The following KCNJ15 variants were observed in gnomAD, a reference collection of about 807,000 sequenced individuals.
The protein encoded by KCNJ15 is ATP-sensitive inward rectifier potassium channel 15.
KCNJ15 carries 14 observed loss-of-function variants against 23.0 expected under a neutral mutation model. The ratio of observed to expected loss-of-function variants is 0.61; its 90% CI spans 0.40 to 0.95. The LOEUF is 0.95. Among genes scored for constraint, KCNJ15 ranks in the 40% least tolerant of loss-of-function variants. The pLI is 0.00. For synonymous variants in KCNJ15, 185 were observed against 183.2 expected, an observed-to-expected ratio of 1.01 and a Z score of -0.08; for missense variants, 388 against 461.8, an observed-to-expected ratio of 0.84 and a Z score of 1.46.
intron 1 of KCNJ15, among the ~76,000 whole-genome samples, chr21:38,287,694 A>G (rs1328598751): frequency 6.6e-6 from 1 of 152,248 alleles, no homozygotes; most frequent in Non-Finnish European, 1.5e-5. Context: ...CCGGCTAATT[A>G]ACTACAGATG....
chr21:38,278,024 C>T (rs764022754), intron 1 of KCNJ15, among the ~76,000 whole-genome samples: 2 of 152,202 alleles, frequency 1.3e-5, no homozygotes, highest in Non-Finnish European at 2.9e-5. Context: ...AGGCATGATT[C>T]CGTCTGCATC....
intron 1 of KCNJ15, among the ~76,000 whole-genome samples, chr21:38,296,149 C>A (rs1432999152): frequency 6.6e-6 from 1 of 151,674 alleles, no homozygotes; most frequent in Non-Finnish European, 1.5e-5. Flanking sequence ...CAATAATTGA[C>A]AGATGATAGA....
chr21:38,247,502 A>G (rs1423186672), intron 1 of KCNJ15, among the ~76,000 whole-genome samples: 2 of 149,718 alleles, frequency 1.3e-5, no homozygotes, highest in South Asian at 2.2e-4. Flanking sequence ...GGATAAATGG[A>G]TGGTTGGATA....
Position 38,304,057 on chromosome 21 carries a change from A to AG in KCNJ15, c.*3669dup, listed in dbSNP as rs1214201604. On this transcript the variant is annotated 3_prime_UTR_variant, in exon 3 of 3. Coordinates refer to ENST00000398938, the MANE Select transcript of KCNJ15 (RefSeq NM_170736.3). ...CTTCTATTAAATTTCTGAAATAACTAGTTTTTTTTTTTTGAACTTGAAAAT... is the reference window on the plus strand; with the variant it reads ...CTTCTATTAAATTTCTGAAATAACTAGGTTTTTTTTTTTTGAACTTGAAAAT... The AG allele has an allele frequency of 1.0e-5, 1 of 99,452 alleles. No individual in the cohort carries two copies. The highest frequency in any genetic ancestry group is 2.3e-5 in the Non-Finnish European group (1 of 44,098). The allele number at this position is 99,452 out of a possible 1,614,324, so 6.2% of individuals were successfully genotyped here.
chr21:38,288,684 G>C (rs1327600070), intron 1 of KCNJ15, among the ~76,000 whole-genome samples: 1 of 152,310 alleles, frequency 6.6e-6, no homozygotes, highest in Non-Finnish European at 1.5e-5. Flanking sequence ...AAAATTGGCA[G>C]ACTCAACATC....
At position 38,280,295 on chromosome 21, in the gene KCNJ15, T is replaced by C. The variant is rs780403185; in HGVS notation, c.-116-16631T>C. ...GCTGTCTCAGAAATTAAGGCATATA[T>C]ATAGTTCAAATGGGACCAAAGTAGT... On this transcript the variant is annotated intron_variant, in intron 1 of 2. Transcript: ENST00000398938. Among the ~76,000 whole-genome samples, 36 of 152,266 alleles carry C rather than the reference T, an allele frequency of 2.4e-4. 1 individual carries two copies. The highest frequency in any genetic ancestry group is 8.2e-4 in the African/African-American group (34 of 41,522).
At chr21:38,263,908 C>T (rs1981193149) in intron 1 of KCNJ15, among the ~76,000 whole-genome samples, 1 of 152,038 alleles carries the variant, frequency 6.6e-6, no homozygotes. Flanking sequence ...GATACATACA[C>T]ACACACACAC....
chr21:38,237,679 A>T (rs1978704718), intron 1 of KCNJ15, among the ~76,000 whole-genome samples: 1 of 152,164 alleles, frequency 6.6e-6, no homozygotes, highest in Non-Finnish European at 1.5e-5. Flanking sequence ...AAAGATGAAA[A>T]GTGACCTTGG....
intron 1 of KCNJ15, among the ~76,000 whole-genome samples, chr21:38,290,619 T>C (rs1240569915): frequency 6.6e-6 from 1 of 151,854 alleles, no homozygotes; most frequent in South Asian, 2.1e-4. Flanking sequence ...TGAAGACAGG[T>C]TCTTGGGAAC....
chr21:38,288,488 G>T (rs1433801902), intron 1 of KCNJ15, among the ~76,000 whole-genome samples: 1 of 152,154 alleles, frequency 6.6e-6, no homozygotes, highest in South Asian at 2.1e-4. Flanking sequence ...TCATCAATTT[G>T]TAGAGACTGA....
chr21:38,249,508 A>G (rs1004557830), intron 1 of KCNJ15, among the ~76,000 whole-genome samples: 2 of 152,232 alleles, frequency 1.3e-5, no homozygotes, highest in Non-Finnish European at 2.9e-5. Flanking sequence ...CAGATAGGAA[A>G]TATTCTCCAG....
upstream of KCNJ15, among the ~76,000 whole-genome samples, chr21:38,254,093 G>A (rs1278947194): frequency 6.6e-6 from 1 of 152,178 alleles, no homozygotes; most frequent in Non-Finnish European, 1.5e-5. Context: ...AGATTGCATG[G>A]CAGAAAATAT....
At chr21:38,256,940 ATC>A (rs915980120), upstream of KCNJ15, 3 of 92,348 alleles carry the variant, frequency 3.2e-5, no homozygotes, top group African/African-American at 1.3e-4. Flanking sequence ...CTCCTTCCCT[ATC>A]CCTCCCTCCT....
chr21:38,279,318 A>T (rs1017630038), intron 1 of KCNJ15, among the ~76,000 whole-genome samples: 1 of 152,184 alleles, frequency 6.6e-6, no homozygotes, highest in Non-Finnish European at 1.5e-5. Flanking sequence ...GAACACAAAA[A>T]GTCTAGGCTT....
chr21:38,255,789 C>T (rs931788851), upstream of KCNJ15, among the ~76,000 whole-genome samples: 7 of 152,150 alleles, frequency 4.6e-5, no homozygotes, highest in Admixed American at 2.6e-4. Flanking sequence ...GGGTGAATTG[C>T]AGAGCCCAGT....
At chr21:38,238,320 C>A in intron 1 of KCNJ15, 1 of 716,076 alleles carries the variant, frequency 1.4e-6, no homozygotes. Context: ...CCTGGTCTTC[C>A]TGCCTTCGGA....
intron 1 of KCNJ15, among the ~76,000 whole-genome samples, chr21:38,288,030 G>GTTTT (rs71184612): frequency 4.9e-5 from 4 of 81,422 alleles, no homozygotes; most frequent in Admixed American, 2.1e-4. Context: ...TTTTTTCTTT[G>GTTTT]TTTTTTTTTT....
intron 1 of KCNJ15, among the ~76,000 whole-genome samples, chr21:38,263,017 A>T (rs1394191172): frequency 6.6e-6 from 1 of 152,148 alleles, no homozygotes; most frequent in East Asian, 1.9e-4. Context: ...AACGAGTTGG[A>T]TATAATGTCA....
intron 1 of KCNJ15, among the ~76,000 whole-genome samples, chr21:38,270,820 T>C (rs1277431020): frequency 6.6e-6 from 1 of 152,206 alleles, no homozygotes; most frequent in Non-Finnish European, 1.5e-5. Context: ...ATTCTTTGCA[T>C]TATAGTAACA....
Sources: allele counts gnomAD v4.1 joint callset (sites outside exome capture counted in the v4.1 genomes callset), GRCh38; gene constraint gnomAD v4.1.1; transcripts MANE v1.5; gene names NCBI Gene and HGNC (gene_info 2026-07-23, HGNC 2026-07-21).